Variants in SBNO1 observed in about 807,000 individuals in gnomAD.
The protein encoded by SBNO1 is strawberry notch homolog 1.
SBNO1 carries 23 observed loss-of-function variants against 173.6 expected under a neutral mutation model. The ratio of observed to expected loss-of-function variants is 0.13; its 90% CI spans 0.10 to 0.19. SBNO1 has a LOEUF of 0.19. SBNO1 is among the 10% of genes least tolerant of loss of function. The probability of loss-of-function intolerance (pLI) is 1.00; values close to 1 mark genes in which losing one functional copy is unlikely to be tolerated. For synonymous variants in SBNO1, 632 were observed against 571.5 expected (o/e 1.11, Z -1.51); for missense variants, 1,238 against 1,671.2 (o/e 0.74, Z 4.52).
chr12:123,313,381 T>A (rs1469151668), intron 24 of SBNO1, among the ~76,000 whole-genome samples: 1 of 152,038 alleles, frequency 6.6e-6, no homozygotes, highest in East Asian at 1.9e-4. Context: ...ATTAAATCTC[T>A]TATTAGACAA....
At chr12:123,297,921 A>C in intron 31 of SBNO1, 57 bp downstream of exon 31, 1 of 1,534,254 alleles carries the variant, frequency 6.5e-7, no homozygotes, top group Non-Finnish European at 9.0e-7. Flanking sequence ...AGCAATGAGA[A>C]AAAAGTCGGA....
intron 16 of SBNO1, 57 bp downstream of exon 16, chr12:123,323,623 G>C (rs1220080156): frequency 1.5e-6 from 2 of 1,361,108 alleles, no homozygotes; most frequent in Non-Finnish European, 2.0e-6. Flanking sequence ...CAAAGTGCTG[G>C]GATTACAGGT....
At chr12:123,299,503 A>C (rs958009321) in intron 30 of SBNO1, among the ~76,000 whole-genome samples, 2 of 150,650 alleles carry the variant, frequency 1.3e-5, no homozygotes, top group African/African-American at 4.9e-5. Context: ...AACATGGTGA[A>C]ACCCCGTCTC....
chr12:123,300,804 A>G (rs890655046), intron 30 of SBNO1, among the ~76,000 whole-genome samples: 3 of 151,710 alleles, frequency 2.0e-5, no homozygotes, highest in Non-Finnish European at 4.4e-5. Context: ...TACTAAAAAT[A>G]CAAAAATTAG....
intron 29 of SBNO1, 28 bp downstream of exon 29, chr12:123,304,554 A>G: frequency 1.4e-6 from 2 of 1,460,542 alleles, no homozygotes; most frequent in Admixed American, 1.7e-5. Context: ...GTATTCCTAT[A>G]TAATATAATG....
rs1303754683 is a variant in SBNO1, at chr12:123,309,558, C to T, written c.3468G>A (p.Val1156=). The T allele has an allele frequency of 3.1e-6, 5 of 1,613,766 alleles. No homozygotes were observed. The highest frequency in any genetic ancestry group is 2.7e-5 in the African/African-American group (2 of 74,892). Reference sequence around the variant, plus strand: ...GAAACTTTTTAACATCACTTTTCCGCACTTTTTCATCTCCAGAACCAAGAT... The same window carrying T: ...GAAACTTTTTAACATCACTTTTCCGTACTTTTTCATCTCCAGAACCAAGAT... ...ILDLGSGDEK[V]RKSDVKKFLT... is the part of the protein sequence containing the mutation. The change falls in exon 27 of 32, where the codon GTG becomes GTA. Residue 1156 remains valine (V), a synonymous_variant. Transcript: ENST00000602398.
At chr12:123,363,853 G>T in intron 1 of SBNO1, 1 of 985,570 alleles carries the variant, frequency 1.0e-6, no homozygotes, top group Non-Finnish European at 1.2e-6. Flanking sequence ...AAGGGGAGGA[G>T]CTGGATGCCA....
Position 123,292,334 on chromosome 12 carries a change from T to C in SBNO1, c.*3574A>G, listed in dbSNP as rs750477160. On this transcript the variant is annotated 3_prime_UTR_variant, in exon 32 of 32. Transcript: ENST00000602398. ...GTATGGGGACCTTCCTCTTGACTGC[T>C]TGTCAAGAAAAGGATCCAGAGGGAA... 9 of 152,320 alleles carry C rather than the reference T, an allele frequency of 5.9e-5. No individual in the cohort carries two copies. Among genetic ancestry groups the C allele is most frequent in the East Asian group, 5.8e-4 (3 of 5,186 alleles). The allele number at this position is 152,320 out of a possible 1,614,324, so 9.4% of individuals were successfully genotyped here.
chr12:123,363,543 G>A (rs1261481863), intron 1 of SBNO1, among the ~76,000 whole-genome samples: 2 of 152,114 alleles, frequency 1.3e-5, no homozygotes, highest in Admixed American at 6.6e-5. Flanking sequence ...AACATAAAAT[G>A]ATAATAGCCA....
Position 123,303,183 on chromosome 12 carries a change from T to A in SBNO1, c.3769-283A>T, listed in dbSNP as rs550728528. Among the ~76,000 whole-genome samples, 425 of 152,328 alleles carry A rather than the reference T, an allele frequency of 2.8e-3. 6 individuals carry two copies. The South Asian group carries it at 0.034, about 12-fold the overall frequency. On this transcript the variant is annotated intron_variant, in intron 29 of 31. Coordinates refer to ENST00000602398, the MANE Select transcript of SBNO1 (RefSeq NM_001167856.3). ...ATATTAATAAAATAAAACCTAATAG[T>A]AAATGTTAGGAAAAGTGGTCGCTTA...
chr12:123,318,551 G>A (rs1411424835), intron 20 of SBNO1, among the ~76,000 whole-genome samples: 1 of 151,752 alleles, frequency 6.6e-6, no homozygotes, highest in Admixed American at 6.6e-5. Context: ...AGGTCAATAT[G>A]GTGAAACCTG....
rs2048536498 is a variant in SBNO1, at chr12:123,293,155, C to T, written c.*2753G>A. Reference sequence around the variant, plus strand: ...CAAAGTGGACATGGGGTTAATTAAACAAGGCCTCTGAATTCAGGTGTGGCA... The same window carrying T: ...CAAAGTGGACATGGGGTTAATTAAATAAGGCCTCTGAATTCAGGTGTGGCA... On this transcript the variant is annotated 3_prime_UTR_variant, in exon 32 of 32. Coordinates refer to ENST00000602398, the MANE Select transcript of SBNO1 (RefSeq NM_001167856.3). 1 of 152,184 alleles carries T rather than the reference C, an allele frequency of 6.6e-6. No homozygotes were observed. Among genetic ancestry groups the T allele is most frequent in the Admixed American group, 6.5e-5 (1 of 15,268 alleles). 9.4% of individuals were successfully genotyped at this position (152,184 alleles called of 1,614,324 possible).
In SBNO1 at chr12:123,291,900, G is replaced by C. The variant is rs968403494; in HGVS notation, c.*4008C>G. On this transcript the variant is annotated 3_prime_UTR_variant, in exon 32 of 32. Coordinates refer to ENST00000602398, the MANE Select transcript of SBNO1 (RefSeq NM_001167856.3). The stretch of plus-strand genomic sequence containing the variant: ...AGCACAAAATTAGAGGGTGGGTTTT[G>C]GATTTTATCTCAAGTACTCAAAAAA... 6.6e-6 allele frequency: 1 copy of C among 151,544 alleles called. No individual in the cohort carries two copies. The highest frequency in any genetic ancestry group is 2.4e-5 in the African/African-American group (1 of 41,184). The allele number at this position is 151,544 out of a possible 1,614,324, so 9.4% of individuals were successfully genotyped here. A position where few individuals can be genotyped will look rare whatever the true frequency, so the allele number is the denominator to read the frequency against.
chr12:123,323,350 TTTC>T (rs1446562984), intron 16 of SBNO1, among the ~76,000 whole-genome samples: 1 of 152,140 alleles, frequency 6.6e-6, no homozygotes, highest in African/African-American at 2.4e-5. Context: ...CGTCAACTAT[TTTC>T]TTTTTTCTTT....
At chr12:123,310,214 C>T (rs564337587) in intron 25 of SBNO1, among the ~76,000 whole-genome samples, 23 of 152,226 alleles carry the variant, frequency 1.5e-4, no homozygotes, top group Middle Eastern at 3.4e-3. Context: ...GAGCTCCACC[C>T]GACTTCAGTA....
intron 2 of SBNO1, among the ~76,000 whole-genome samples, chr12:123,349,272 T>C (rs771737778): frequency 1.3e-5 from 2 of 152,046 alleles, no homozygotes; most frequent in Non-Finnish European, 2.9e-5. Context: ...CCTAATTTTA[T>C]TTAACTTTTT....
chr12:123,346,480 C>T (rs1187785911), intron 3 of SBNO1, among the ~76,000 whole-genome samples: 2 of 151,508 alleles, frequency 1.3e-5, no homozygotes, highest in African/African-American at 4.9e-5. Flanking sequence ...CTGGCTAACA[C>T]GGTGAAACCC....
chr12:123,334,433 G>C (rs1174726546), intron 6 of SBNO1, among the ~76,000 whole-genome samples: 1 of 152,174 alleles, frequency 6.6e-6, no homozygotes, highest in Non-Finnish European at 1.5e-5. Context: ...TTTGGGCCAG[G>C]TGGGTGGCTC....
chr12:123,307,836 C>T (rs2048957194), intron 28 of SBNO1, among the ~76,000 whole-genome samples: 1 of 152,186 alleles, frequency 6.6e-6, no homozygotes, highest in South Asian at 2.1e-4. Context: ...CTTTGGGAGG[C>T]CAAGGCAGGC....
Sources: gnomAD v4.1 joint callset for allele counts (sites outside exome capture counted in the v4.1 genomes callset) on GRCh38, gnomAD v4.1.1 for gene constraint, MANE v1.5 for transcripts, NCBI Gene and HGNC (gene_info 2026-07-23, HGNC 2026-07-21) for gene names.